Variants in NEK10 observed in about 807,000 individuals in gnomAD.
The protein encoded by NEK10 is serine/threonine-protein kinase Nek10.
A neutral mutation model predicts 159.8 loss-of-function variants in NEK10; 122 were observed. That is an observed-to-expected ratio of 0.76 (90% confidence interval 0.66 to 0.89). The LOEUF (loss-of-function observed/expected upper bound fraction) is 0.89. NEK10 is among the 40% of genes least tolerant of loss of function. The probability of loss-of-function intolerance (pLI) is 0.00; values close to 1 mark genes in which losing one functional copy is unlikely to be tolerated. For missense variants in NEK10, 1,342 were observed against 1,323.1 expected (o/e 1.01, Z -0.22); for synonymous variants, 466 against 457.1 (o/e 1.02, Z -0.25).
At position 27,346,169 on chromosome 3, in the gene NEK10, A is replaced by G; in HGVS notation, c.180T>C (p.Ser60=). The G allele has an allele frequency of 6.2e-7, 1 of 1,613,744 alleles. No homozygotes were observed. The highest frequency in any genetic ancestry group is 8.5e-7 in the Non-Finnish European group (1 of 1,179,694). The change falls in exon 4 of 36, where the codon TCT becomes TCC. Residue 60 remains serine, a synonymous_variant. Coordinates refer to ENST00000691995, the MANE Select transcript of NEK10 (RefSeq NM_001394966.1). ...FDSAQNSMTK[S]EPAIRAGGHR... is the part of the protein sequence containing the mutation. Reference sequence around the variant, plus strand: ...GTCCACCCGCCCTGATGGCGGGCTCAGACTTCGTCATGCTATTTTGGGCAC... The same window carrying G: ...GTCCACCCGCCCTGATGGCGGGCTCGGACTTCGTCATGCTATTTTGGGCAC...
At chr3:27,300,408 C>T (rs554185407) in intron 13 of NEK10, among the ~76,000 whole-genome samples, 1 of 152,278 alleles carries the variant, frequency 6.6e-6, no homozygotes, top group South Asian at 2.1e-4. Flanking sequence ...CCATGTGGAA[C>T]TGTAAGTCCA....
chr3:27,174,623 A>G (rs757331351), intron 27 of NEK10, 27 bp downstream of exon 27: 9 of 1,601,534 alleles, frequency 5.6e-6, no homozygotes, highest in Non-Finnish European at 7.7e-6. Flanking sequence ...AGCAGTACCT[A>G]CGTTGACACA....
Position 27,297,193 on chromosome 3 carries a change from G to A in NEK10, c.1216C>T (p.His406Tyr), listed in dbSNP as rs2043421197. ...TELVLNDTNA[H>Y]QVVQENGVYT... Reference sequence around the variant, plus strand: ...AGTGCTCTCACCTGAACCACCTGGTGGGCATTGGTGTCATTGAGCACCAGC... The same window carrying A: ...AGTGCTCTCACCTGAACCACCTGGTAGGCATTGGTGTCATTGAGCACCAGC... The change falls in exon 14 of 36, where the codon CAC becomes TAC. Residue 406 changes from histidine to tyrosine, a missense_variant. His to Tyr is a moderately conservative substitution (Grantham distance 83). Coordinates refer to ENST00000691995, the MANE Select transcript of NEK10 (RefSeq NM_001394966.1). 1.2e-6 allele frequency: 2 copies of A among 1,612,324 alleles called. No individual in the cohort carries two copies.
At chr3:27,130,364 C>T (rs1942472439) in intron 32 of NEK10, among the ~76,000 whole-genome samples, 1 of 152,112 alleles carries the variant, frequency 6.6e-6, no homozygotes, top group African/African-American at 2.4e-5. Flanking sequence ...AAGGTAAATG[C>T]CCAATGAGAG....
rs1939381894 is a variant in NEK10, at chr3:27,110,255, T to C, written c.*1017A>G. The C allele has an allele frequency of 6.6e-6, 1 of 152,154 alleles. No individual in the cohort carries two copies. The highest frequency in any genetic ancestry group is 2.4e-5 in the African/African-American group (1 of 41,424). 9.4% of individuals were successfully genotyped at this position (152,154 alleles called of 1,614,324 possible). A position where few individuals can be genotyped will look rare whatever the true frequency, so the allele number is the denominator to read the frequency against. Reference sequence around the variant, plus strand: ...AGAAGGAGTTTAAGCCCAGTGAGAATCTAGCAGATTTTCATCATAATTCTC... The same window carrying C: ...AGAAGGAGTTTAAGCCCAGTGAGAACCTAGCAGATTTTCATCATAATTCTC... On this transcript the variant is annotated 3_prime_UTR_variant, in exon 36 of 36. Coordinates refer to ENST00000691995, the MANE Select transcript of NEK10 (RefSeq NM_001394966.1).
intron 26 of NEK10, among the ~76,000 whole-genome samples, chr3:27,175,809 A>G (rs1947451828): frequency 6.6e-6 from 1 of 152,226 alleles, no homozygotes; most frequent in African/African-American, 2.4e-5. Context: ...AGAGAGTGTG[A>G]GAAGAAAGAA....
chr3:27,280,937 G>GTGTGTGTGTC (rs147002099), intron 22 of NEK10, among the ~76,000 whole-genome samples: 20 of 149,602 alleles, frequency 1.3e-4, no homozygotes, highest in African/African-American at 4.2e-4. Context: ...GTGTGTGTGT[G>GTGTGTGTGTC]TATATGTATA....
At chr3:27,203,319 T>C (rs1950207928) in intron 23 of NEK10, among the ~76,000 whole-genome samples, 1 of 152,224 alleles carries the variant, frequency 6.6e-6, no homozygotes, top group African/African-American at 2.4e-5. Context: ...TATTCAGCTC[T>C]AGCATATAAA....
At position 27,310,858 on chromosome 3, in the gene NEK10, C is replaced by T. The variant is rs1396879459; in HGVS notation, c.636+91G>A. Reference sequence around the variant, plus strand: ...CTGGTAGGTTTGTGGATTCTAATTACACATGACTTAACCGCAAAGGCTCTG... The same window carrying T: ...CTGGTAGGTTTGTGGATTCTAATTATACATGACTTAACCGCAAAGGCTCTG... On this transcript the variant is annotated intron_variant, in intron 9 of 35. Coordinates refer to ENST00000691995, the MANE Select transcript of NEK10 (RefSeq NM_001394966.1). 4.0e-6 allele frequency: 3 copies of T among 745,254 alleles called. No homozygotes were observed. In the African/African-American group the frequency reaches 5.3e-5, roughly 13 times the overall value. 46.2% of individuals were successfully genotyped at this position (745,254 alleles called of 1,614,324 possible).
At position 27,174,489 on chromosome 3, in the gene NEK10, G is replaced by A. The variant is rs570187206; in HGVS notation, c.2726C>T (p.Ser909Leu). The change falls in exon 28 of 36, where the codon TCG (serine) becomes TTG (leucine). Residue 909 changes from serine to leucine, a missense_variant. Physicochemically the swap from Ser to Leu is moderately radical, Grantham distance 145 (BLOSUM62 -2). Coordinates refer to ENST00000691995, the MANE Select transcript of NEK10 (RefSeq NM_001394966.1). ...TGAACTGGAGCTGCTGGAGTTATCC[G>A]AAATGTCCAATTCATCATCTACCTC... is the stretch of plus-strand genomic sequence containing the variant. ...YSEVDDELDI[S>L]DNSSSSSSSP... is the part of the protein sequence containing the mutation. 2.5e-5 allele frequency: 40 copies of A among 1,612,208 alleles called. No homozygotes were observed. The highest frequency in any genetic ancestry group is 2.3e-4 in the African/African-American group (17 of 74,874).
At chr3:27,134,928 C>T (rs1943027658) in intron 31 of NEK10, among the ~76,000 whole-genome samples, 1 of 152,168 alleles carries the variant, frequency 6.6e-6, no homozygotes, top group Admixed American at 6.5e-5. Flanking sequence ...TATGACTACT[C>T]ATTTATGCGC....
chr3:27,219,893 A>G (rs1251650845), intron 23 of NEK10, among the ~76,000 whole-genome samples: 1 of 152,240 alleles, frequency 6.6e-6, no homozygotes, highest in African/African-American at 2.4e-5. Flanking sequence ...CACAAAATCA[A>G]TATGCAAAAA....
chr3:27,244,459 A>G (rs1186439244), intron 23 of NEK10, among the ~76,000 whole-genome samples: 1 of 152,178 alleles, frequency 6.6e-6, no homozygotes, highest in Non-Finnish European at 1.5e-5. Flanking sequence ...ATCCCTTTAA[A>G]TATTTCTCCT....
intron 26 of NEK10, among the ~76,000 whole-genome samples, chr3:27,176,498 T>G (rs770807316): frequency 6.6e-6 from 1 of 152,190 alleles, no homozygotes; most frequent in Admixed American, 6.5e-5. Context: ...AAGTCCAGCC[T>G]CAGCTCTGCC....
chr3:27,344,364 GT>G lies in NEK10; in HGVS notation c.269del (p.Asn90ThrfsTer25). The stretch of plus-strand genomic sequence containing the variant: ...TGCTGAAATTTCTCTCATTCTTGTA[GT>G]TTATACTGAGACAAAACAAACAGAA... ...EAVELENFSI[N>X]YKNERNFSKH... is the part of the protein sequence containing the mutation. On this transcript the variant is annotated frameshift_variant, in exon 5 of 36. Transcript: ENST00000691995. LOFTEE classifies it high-confidence loss of function. The G allele has an allele frequency of 6.5e-7, 1 of 1,537,116 alleles. No individual in the cohort carries two copies. The highest frequency in any genetic ancestry group is 9.0e-7 in the Non-Finnish European group (1 of 1,117,286).
chr3:27,182,490 T>C (rs192706781), intron 26 of NEK10, among the ~76,000 whole-genome samples: 221 of 152,232 alleles, frequency 1.5e-3, no homozygotes, highest in African/African-American at 4.8e-3. Flanking sequence ...TTGCAGACTG[T>C]TGGTGGGAAT....
intron 23 of NEK10, among the ~76,000 whole-genome samples, chr3:27,217,271 C>T (rs1002328727): frequency 4.6e-5 from 7 of 152,092 alleles, no homozygotes; most frequent in Non-Finnish European, 8.8e-5. Context: ...CGTCCACTCT[C>T]GCATTGCTAT....
chr3:27,134,065 A>G, intron 31 of NEK10, among the ~76,000 whole-genome samples: 1 of 152,200 alleles, frequency 6.6e-6, no homozygotes, highest in East Asian at 1.9e-4. Context: ...TAGAGAAAGA[A>G]AAGAGAGGAA....
chr3:27,197,053 T>C (rs1022351002), intron 25 of NEK10, among the ~76,000 whole-genome samples: 1 of 152,162 alleles, frequency 6.6e-6, no homozygotes, highest in South Asian at 2.1e-4. Flanking sequence ...GATTTGCATA[T>C]GTTACTTTGT....
Sources: allele counts gnomAD v4.1 joint callset (sites outside exome capture counted in the v4.1 genomes callset), GRCh38; gene constraint gnomAD v4.1.1; transcripts MANE v1.5; gene names NCBI Gene and HGNC (gene_info 2026-07-23, HGNC 2026-07-21).